BNIP3L: variants seen among roughly 807,000 people sequenced by gnomAD.
The protein encoded by BNIP3L is BCL2 interacting protein 3 like, also known as BCL2/adenovirus E1B 19 kDa protein-interacting protein 3-like.
Under a neutral mutation model 25.5 loss-of-function variants are expected in BNIP3L, and 10 were observed. The ratio of observed to expected loss-of-function variants is 0.39; its 90% CI spans 0.24 to 0.67. BNIP3L has a LOEUF of 0.67. BNIP3L is among the 30% of genes least tolerant of loss of function. The pLI is 0.45. For missense variants in BNIP3L, 215 were observed against 270.9 expected, an observed-to-expected ratio of 0.79 and a Z score of 1.45; for synonymous variants, 113 against 101.2, an observed-to-expected ratio of 1.12 and a Z score of -0.70.
At chr8:26,401,756 A>G (rs1585437742) in intron 3 of BNIP3L, among the ~76,000 whole-genome samples, 1 of 152,272 alleles carries the variant, frequency 6.6e-6, no homozygotes, top group African/African-American at 2.4e-5. Context: ...CCTTCAAGAT[A>G]AATATTGTTT....
chr8:26,395,671 G>A (rs890431781), intron 3 of BNIP3L: 7 of 209,694 alleles, frequency 3.3e-5, no homozygotes, highest in African/African-American at 1.2e-4. Flanking sequence ...CAGCATGAGC[G>A]ACGCAGAAGA....
chr8:26,401,431 G>C (rs2117486151), intron 3 of BNIP3L, among the ~76,000 whole-genome samples: 1 of 151,900 alleles, frequency 6.6e-6, no homozygotes, highest in South Asian at 2.1e-4. Flanking sequence ...AGCGGGGAGG[G>C]GGGAAGGATA....
chr8:26,391,076 A>G (rs893442452), intron 1 of BNIP3L, among the ~76,000 whole-genome samples, 167 bp from the exon 2 acceptor site: 4 of 152,208 alleles, frequency 2.6e-5, no homozygotes, highest in Non-Finnish European at 4.4e-5. Context: ...GAACAGAACT[A>G]TATAGATCTT....
At chr8:26,394,514 A>G (rs2117474265) in intron 2 of BNIP3L, among the ~76,000 whole-genome samples, 1 of 152,334 alleles carries the variant, frequency 6.6e-6, no homozygotes, top group East Asian at 1.9e-4. Context: ...TTCAAAAATA[A>G]TACATTTTAA....
rs772602833 is a variant in BNIP3L, at chr8:26,383,160, G to T, written c.30G>T (p.Pro10=). 1.9e-6 allele frequency: 3 copies of T among 1,612,282 alleles called. No individual in the cohort carries two copies. Among genetic ancestry groups the T allele is most frequent in the Non-Finnish European group, 2.5e-6 (3 of 1,179,694 alleles). ...CGTCCCACCTAGTCGAGCCGCCGCC[G>T]CCCCTGCACAACAACAACAACAACT... MSSHLVEPP[P]PLHNNNNNCE... Residue 10 remains proline (P), a synonymous_variant, in exon 1 of 6, where the codon CCG becomes CCT. Coordinates refer to ENST00000380629, the MANE Select transcript of BNIP3L (RefSeq NM_004331.3).
chr8:26,406,930 CTCA>C (rs1806513147), intron 3 of BNIP3L, among the ~76,000 whole-genome samples: 1 of 151,140 alleles, frequency 6.6e-6, no homozygotes, highest in African/African-American at 2.4e-5. Flanking sequence ...TGTTTTACTT[CTCA>C]TCATTTTATT....
intron 3 of BNIP3L, among the ~76,000 whole-genome samples, chr8:26,405,098 G>A (rs1393695296): frequency 6.6e-6 from 1 of 151,888 alleles, no homozygotes; most frequent in Non-Finnish European, 1.5e-5. Context: ...AGATAACTTT[G>A]CTTCATTCAA....
chr8:26,408,561 G>A (rs982485399), intron 5 of BNIP3L, among the ~76,000 whole-genome samples, 185 bp downstream of exon 5: 2 of 152,150 alleles, frequency 1.3e-5, no homozygotes, highest in Admixed American at 6.6e-5. Flanking sequence ...ATAGTAGAGT[G>A]TGTTTTCTTA....
intron 3 of BNIP3L, among the ~76,000 whole-genome samples, chr8:26,406,042 C>T (rs1249142745): frequency 6.6e-6 from 1 of 151,888 alleles, no homozygotes; most frequent in African/African-American, 2.4e-5. Flanking sequence ...GACTCCGTCT[C>T]AAAAAGAAAA....
intron 3 of BNIP3L, among the ~76,000 whole-genome samples, chr8:26,402,061 A>G (rs1585437950): frequency 6.6e-6 from 1 of 152,174 alleles, no homozygotes; most frequent in Non-Finnish European, 1.5e-5. Flanking sequence ...GGTTCTCACT[A>G]TTCTGTGTCC....
At chr8:26,383,281 C>A (rs758541260) in intron 1 of BNIP3L, 51 bp downstream of exon 1, 1 of 1,565,096 alleles carries the variant, frequency 6.4e-7, no homozygotes, top group Admixed American at 1.9e-5. Flanking sequence ...GAGGAGCAGC[C>A]CCGGCCGCCG....
At chr8:26,387,780 CTGT>C (rs1201519800) in intron 1 of BNIP3L, among the ~76,000 whole-genome samples, 1 of 152,160 alleles carries the variant, frequency 6.6e-6, no homozygotes, top group Non-Finnish European at 1.5e-5. Context: ...ACTTTTAAGG[CTGT>C]TAATACCTAT....
rs1268752077 is a variant in BNIP3L, at chr8:26,410,902, T to G, written c.*490T>G. ...AAAGGCAAGTTTCCCTAAGTTTGAG[T>G]TGATAGTTATTAAAAAGAAAACAAA... On this transcript the variant is annotated 3_prime_UTR_variant, in exon 6 of 6. Transcript: ENST00000380629. 1 of 151,572 alleles carries G rather than the reference T, an allele frequency of 6.6e-6. No homozygotes were observed. The highest frequency in any genetic ancestry group is 1.5e-5 in the Non-Finnish European group (1 of 67,952). 9.4% of individuals were successfully genotyped at this position (151,572 alleles called of 1,614,324 possible).
intron 2 of BNIP3L, among the ~76,000 whole-genome samples, chr8:26,393,077 T>C (rs1806150818): frequency 6.6e-6 from 1 of 152,042 alleles, no homozygotes; most frequent in African/African-American, 2.4e-5. Context: ...TTAGTGGTCA[T>C]CTTTCAGAGA....
At chr8:26,408,902 A>G (rs541913010) in intron 5 of BNIP3L, among the ~76,000 whole-genome samples, 105 of 151,170 alleles carry the variant, frequency 6.9e-4, no homozygotes, top group African/African-American at 2.3e-3. Flanking sequence ...GAAGATGTTC[A>G]TAATAATCCC....
Position 26,412,345 on chromosome 8 carries a change from T to C in BNIP3L, c.*1933T>C, listed in dbSNP as rs1806647350. On this transcript the variant is annotated 3_prime_UTR_variant, in exon 6 of 6. Transcript: ENST00000380629. Reference sequence around the variant, plus strand: ...ACTGACTAGCTAAACTGCTACAGTATGCAATTTCTATTACAATTGGTATTA... The same window carrying C: ...ACTGACTAGCTAAACTGCTACAGTACGCAATTTCTATTACAATTGGTATTA... 1 of 152,194 alleles carries C rather than the reference T, an allele frequency of 6.6e-6. No individual in the cohort carries two copies. Among genetic ancestry groups the C allele is most frequent in the Non-Finnish European group, 1.5e-5 (1 of 68,040 alleles). 9.4% of individuals were successfully genotyped at this position (152,194 alleles called of 1,614,324 possible).
At chr8:26,387,080 A>G (rs573010659) in intron 1 of BNIP3L, among the ~76,000 whole-genome samples, 24 of 152,208 alleles carry the variant, frequency 1.6e-4, no homozygotes, top group African/African-American at 5.8e-4. Flanking sequence ...ATGAGGAGAA[A>G]TACTCTTCAT....
At chr8:26,385,138 A>G (rs1276405665) in intron 1 of BNIP3L, among the ~76,000 whole-genome samples, 5 of 152,120 alleles carry the variant, frequency 3.3e-5, no homozygotes, top group Non-Finnish European at 5.9e-5. Flanking sequence ...TCAGTGTGTT[A>G]TTCTACCTAA....
At chr8:26,383,353 C>G (rs1805899438) in intron 1 of BNIP3L, 123 bp downstream of exon 1, 1 of 1,475,206 alleles carries the variant, frequency 6.8e-7, no homozygotes, top group Admixed American at 2.3e-5. Context: ...CATGGGATGT[C>G]CAGGTGACTG....
Sources: allele counts gnomAD v4.1 joint callset (sites outside exome capture counted in the v4.1 genomes callset), GRCh38; gene constraint gnomAD v4.1.1; transcripts MANE v1.5; gene names NCBI Gene and HGNC (gene_info 2026-07-23, HGNC 2026-07-21).